MRAP2: variants seen among roughly 807,000 people sequenced by gnomAD.
MRAP2 encodes the protein melanocortin 2 receptor accessory protein 2.
In MRAP2, 20 loss-of-function variants were observed where a neutral mutation model predicts 17.4. The ratio of observed to expected loss-of-function variants is 1.15; its 90% CI spans 0.81 to 1.67. The LOEUF (loss-of-function observed/expected upper bound fraction) is 1.67, where lower values mean the gene tolerates loss of function less well. Among genes scored for constraint, MRAP2 ranks in the 40% most tolerant of loss-of-function variants. The pLI is 0.00. For missense variants in MRAP2, 238 were observed against 240.0 expected, an observed-to-expected ratio of 0.99 and a Z score of 0.05; for synonymous variants, 96 against 88.4, an observed-to-expected ratio of 1.09 and a Z score of -0.48.
chr6:84,126,615 G>A, the MRAP2 span: 2 of 764,294 alleles, frequency 2.6e-6, no homozygotes, highest in Non-Finnish European at 3.9e-6. Flanking sequence ...ATATAAGTAA[G>A]AGGCACCTTG....
the MRAP2 span, among the ~76,000 whole-genome samples, chr6:84,115,850 G>T: frequency 6.6e-6 from 1 of 152,244 alleles, no homozygotes; most frequent in Non-Finnish European, 1.5e-5. Context: ...CTGACCCTTT[G>T]TGCTTCTTGG....
At chr6:84,132,852 C>T in the MRAP2 span, among the ~76,000 whole-genome samples, 9 of 152,106 alleles carry the variant, frequency 5.9e-5, no homozygotes, top group East Asian at 1.9e-4. Context: ...TCTGTCAACT[C>T]GTCAAAGTCA....
At chr6:84,093,274 G>A (rs998343531), downstream of MRAP2, among the ~76,000 whole-genome samples, 3 of 152,018 alleles carry the variant, frequency 2.0e-5, no homozygotes, top group Admixed American at 6.5e-5. Context: ...AAAATAGAGA[G>A]AGAGAAAGAA....
intron 2 of MRAP2, chr6:84,062,484 A>G (rs1157486040): frequency 2.1e-6 from 2 of 952,674 alleles, no homozygotes; most frequent in African/African-American, 3.5e-5. Flanking sequence ...TATCTGTTAA[A>G]TTTAATTTGT....
chr6:84,056,793 T>C (rs1322843154), intron 2 of MRAP2, among the ~76,000 whole-genome samples: 1 of 152,176 alleles, frequency 6.6e-6, no homozygotes, highest in Non-Finnish European at 1.5e-5. Context: ...CTCCTATCTC[T>C]TTTCCTTAGT....
intron 1 of MRAP2, among the ~76,000 whole-genome samples, chr6:84,039,690 G>A (rs2099487022): frequency 6.6e-6 from 1 of 152,188 alleles, no homozygotes; most frequent in Non-Finnish European, 1.5e-5. Context: ...TAGTTTGTAA[G>A]CTTCAAATAA....
chr6:84,048,749 C>T (rs974799698), intron 1 of MRAP2, among the ~76,000 whole-genome samples: 2 of 152,212 alleles, frequency 1.3e-5, no homozygotes, highest in African/African-American at 4.8e-5. Context: ...CATTCACCAG[C>T]TAATCTTCTG....
intron 1 of MRAP2, among the ~76,000 whole-genome samples, chr6:84,047,183 TTTAA>T (rs376973971): frequency 3.3e-5 from 5 of 152,032 alleles, no homozygotes; most frequent in South Asian, 2.1e-4. Flanking sequence ...ATTTGTATTA[TTTAA>T]TTAATTAATT....
chr6:84,083,044 C>T (rs949535579), intron 3 of MRAP2, among the ~76,000 whole-genome samples: 1 of 152,042 alleles, frequency 6.6e-6, no homozygotes, highest in Admixed American at 6.6e-5. Flanking sequence ...GATTGTGCGA[C>T]CCGACCCCGG....
At chr6:84,137,314 C>T in the MRAP2 span, among the ~76,000 whole-genome samples, 442 of 152,178 alleles carry the variant, frequency 2.9e-3, no homozygotes, top group Non-Finnish European at 5.2e-3. Context: ...AACATGCTAG[C>T]GAGCCTTACA....
At chr6:84,075,093 C>G (rs1033030180) in intron 3 of MRAP2, among the ~76,000 whole-genome samples, 1 of 152,230 alleles carries the variant, frequency 6.6e-6, no homozygotes, top group African/African-American at 2.4e-5. Flanking sequence ...ACAGAAACAT[C>G]TCCACTTGCA....
At chr6:84,122,167 C>G in the MRAP2 span, among the ~76,000 whole-genome samples, 2 of 151,874 alleles carry the variant, frequency 1.3e-5, no homozygotes, top group Admixed American at 6.6e-5. Context: ...CTTATTGAAA[C>G]TATTCCAAAA....
At chr6:84,130,166 T>C in the MRAP2 span, among the ~76,000 whole-genome samples, 2 of 152,208 alleles carry the variant, frequency 1.3e-5, no homozygotes, top group African/African-American at 4.8e-5. Context: ...TGTTTATTGA[T>C]TTGCGTATGG....
the MRAP2 span, among the ~76,000 whole-genome samples, chr6:84,136,100 T>C: frequency 1.3e-5 from 2 of 152,168 alleles, no homozygotes; most frequent in Non-Finnish European, 2.9e-5. Flanking sequence ...GGCCTTGATA[T>C]TGTTCAGGTG....
the MRAP2 span, among the ~76,000 whole-genome samples, chr6:84,112,795 A>C: frequency 6.6e-6 from 1 of 152,078 alleles, no homozygotes; most frequent in Non-Finnish European, 1.5e-5. Context: ...ATTCTGGTAC[A>C]TCATGTCTTT....
At chr6:84,124,350 G>GAT in the MRAP2 span, 3 of 151,644 alleles carry the variant, frequency 2.0e-5, no homozygotes, top group African/African-American at 4.8e-5. Context: ...GAAAACGTGA[G>GAT]ATATATATAG....
At chr6:84,110,869 A>T in the MRAP2 span, among the ~76,000 whole-genome samples, 2 of 152,112 alleles carry the variant, frequency 1.3e-5, no homozygotes, top group Non-Finnish European at 2.9e-5. Context: ...TCCTTTCCCC[A>T]TTGCTTGTTT....
the MRAP2 span, chr6:84,125,138 C>T: frequency 6.2e-7 from 1 of 1,613,578 alleles, no homozygotes; most frequent in Non-Finnish European, 8.5e-7. Context: ...CGGTGCAGCT[C>T]TCGGAGAACA....
chr6:84,097,927 G>T, the MRAP2 span, among the ~76,000 whole-genome samples: 12 of 152,148 alleles, frequency 7.9e-5, no homozygotes, highest in African/African-American at 2.4e-4. Flanking sequence ...GCATTGAAGT[G>T]GGTCAGGACT....
Sources: gnomAD v4.1 joint callset for allele counts (sites outside exome capture counted in the v4.1 genomes callset) on GRCh38, gnomAD v4.1.1 for gene constraint, MANE v1.5 for transcripts, NCBI Gene and HGNC (gene_info 2026-07-23, HGNC 2026-07-21) for gene names.